ACTR3B: variants seen among roughly 807,000 people sequenced by gnomAD.
The protein encoded by ACTR3B is actin-related protein 3B.
Under a neutral mutation model 59.0 loss-of-function variants are expected in ACTR3B, and 8 were observed. The ratio of observed to expected loss-of-function variants is 0.14; its 90% CI spans 0.08 to 0.24. The LOEUF (loss-of-function observed/expected upper bound fraction) is 0.24. ACTR3B is among the 10% of genes least tolerant of loss of function. The pLI is 1.00. For synonymous variants in ACTR3B, 148 were observed against 197.9 expected, an observed-to-expected ratio of 0.75 and a Z score of 2.12; for missense variants, 245 against 552.3, an observed-to-expected ratio of 0.44 and a Z score of 5.58.
intron 1 of ACTR3B, among the ~76,000 whole-genome samples, chr7:152,778,216 A>T (rs2098141104): frequency 7.5e-6 from 1 of 134,152 alleles, no homozygotes; most frequent in African/African-American, 2.8e-5. Context: ...ACTTTCCTGG[A>T]TTGAGCCTAG....
intron 10 of ACTR3B, 34 bp from the exon 11 acceptor site, chr7:152,853,460 G>T: frequency 1.3e-6 from 2 of 1,599,110 alleles, no homozygotes; most frequent in Non-Finnish European, 1.7e-6. Context: ...GTGTCTGTGG[G>T]TGTGGGGTAA....
chr7:152,848,132 C>T (rs1798506524), intron 9 of ACTR3B, among the ~76,000 whole-genome samples: 2 of 152,220 alleles, frequency 1.3e-5, no homozygotes, highest in African/African-American at 4.8e-5. Context: ...GGTGTGCCCA[C>T]GGTGCTGTGT....
At chr7:152,789,035 CAACAACAACAACAACAAACAGCAACAACA>C (rs1265817332) in intron 2 of ACTR3B, among the ~76,000 whole-genome samples, 1 of 104,540 alleles carries the variant, frequency 9.6e-6, no homozygotes, top group African/African-American at 3.4e-5. Flanking sequence ...ACAACAACAA[CAACAACAACAACAACAAACAGCAACAACA>C]AACAACAACA....
At chr7:152,853,037 C>T (rs182069013) in intron 10 of ACTR3B, among the ~76,000 whole-genome samples, 6 of 152,182 alleles carry the variant, frequency 3.9e-5, no homozygotes, top group East Asian at 3.9e-4. Context: ...GTGATCCATG[C>T]GCCTCGGCCT....
intron 9 of ACTR3B, among the ~76,000 whole-genome samples, chr7:152,848,159 C>A (rs900912323): frequency 2.0e-5 from 3 of 152,182 alleles, no homozygotes; most frequent in East Asian, 1.9e-4. Context: ...TTGGGTGTTA[C>A]AGTAAGAAGC....
intron 1 of ACTR3B, among the ~76,000 whole-genome samples, chr7:152,774,994 C>T (rs972109882): frequency 1.8e-4 from 27 of 151,906 alleles, no homozygotes; most frequent in African/African-American, 6.3e-4. Flanking sequence ...CTGGACCTCA[C>T]CAGGGGTCTC....
intron 9 of ACTR3B, among the ~76,000 whole-genome samples, chr7:152,840,376 T>C (rs1797781551): frequency 6.6e-6 from 1 of 152,136 alleles, no homozygotes; most frequent in Non-Finnish European, 1.5e-5. Flanking sequence ...CCTGGGCCGG[T>C]GCTGACGTCA....
At chr7:152,835,669 C>T (rs1797391643) in intron 9 of ACTR3B, among the ~76,000 whole-genome samples, 1 of 152,146 alleles carries the variant, frequency 6.6e-6, no homozygotes, top group African/African-American at 2.4e-5. Flanking sequence ...GGAATAAATG[C>T]CGTCTTCTAG....
intron 5 of ACTR3B, among the ~76,000 whole-genome samples, chr7:152,816,147 A>G (rs574625708): frequency 7.2e-5 from 11 of 152,258 alleles, no homozygotes; most frequent in African/African-American, 2.2e-4. Flanking sequence ...GGGTTTCACC[A>G]TGTTGCCCAG....
chr7:152,809,256 A>C (rs1165973636), intron 4 of ACTR3B, among the ~76,000 whole-genome samples: 3 of 150,702 alleles, frequency 2.0e-5, no homozygotes, highest in Admixed American at 6.6e-5. Context: ...ACTAAAACTT[A>C]CTTGGGGCAG....
At chr7:152,765,127 T>TTTC (rs59318883) in intron 1 of ACTR3B, among the ~76,000 whole-genome samples, 2,163 of 122,580 alleles carry the variant, frequency 0.018, 71 homozygotes, top group African/African-American at 0.057. Flanking sequence ...TTTTTTTTTT[T>TTTC]TTTTCCGGAG....
At chr7:152,781,482 C>G (rs2098153880) in intron 1 of ACTR3B, among the ~76,000 whole-genome samples, 1 of 152,054 alleles carries the variant, frequency 6.6e-6, no homozygotes, top group Non-Finnish European at 1.5e-5. Context: ...AGAAAGGACC[C>G]TGTTCTGGGC....
chr7:152,837,895 T>C (rs1797594059), intron 9 of ACTR3B, among the ~76,000 whole-genome samples: 2 of 152,064 alleles, frequency 1.3e-5, no homozygotes, highest in South Asian at 4.2e-4. Flanking sequence ...AAGTTGGGTC[T>C]AGGGCTTTTT....
chr7:152,832,534 G>A (rs572455181), intron 9 of ACTR3B, among the ~76,000 whole-genome samples: 84 of 152,260 alleles, frequency 5.5e-4, no homozygotes, highest in Admixed American at 1.8e-3. Context: ...AACCAATAGC[G>A]GGTATCTCAC....
chr7:152,773,502 G>T (rs1193513055), intron 1 of ACTR3B, among the ~76,000 whole-genome samples: 2 of 151,962 alleles, frequency 1.3e-5, no homozygotes, highest in Non-Finnish European at 2.9e-5. Flanking sequence ...CAGGAGAATC[G>T]CTTGAACCCG....
intron 4 of ACTR3B, among the ~76,000 whole-genome samples, chr7:152,807,023 G>A (rs1175453435): frequency 6.6e-6 from 1 of 152,212 alleles, no homozygotes; most frequent in Non-Finnish European, 1.5e-5. Context: ...CCAGGAGGAA[G>A]CTGTGGCAAG....
chr7:152,766,587 G>A (rs865948682), intron 1 of ACTR3B, among the ~76,000 whole-genome samples: 2 of 152,114 alleles, frequency 1.3e-5, no homozygotes, highest in Non-Finnish European at 2.9e-5. Flanking sequence ...ACTTTCTTCT[G>A]CACATAGAGA....
chr7:152,825,924 A>G (rs1381191630), intron 9 of ACTR3B, among the ~76,000 whole-genome samples: 2 of 152,338 alleles, frequency 1.3e-5, no homozygotes, highest in African/African-American at 4.8e-5. Context: ...AATCTAGTCT[A>G]TATGATTATT....
At chr7:152,852,058 T>A (rs1008802131) in intron 9 of ACTR3B, 68 bp from the exon 10 acceptor site, 1 of 1,610,514 alleles carries the variant, frequency 6.2e-7, no homozygotes, top group African/African-American at 1.3e-5. Flanking sequence ...GGAGTTCTGT[T>A]GTGGGTGGTT....
Sources: gnomAD v4.1 joint callset for allele counts (sites outside exome capture counted in the v4.1 genomes callset) on GRCh38, gnomAD v4.1.1 for gene constraint, MANE v1.5 for transcripts, NCBI Gene and HGNC (gene_info 2026-07-23, HGNC 2026-07-21) for gene names.